OSBPL10: variants seen among roughly 807,000 people sequenced by gnomAD.
The protein encoded by OSBPL10 is oxysterol binding protein like 10.
Under a neutral mutation model 81.7 loss-of-function variants are expected in OSBPL10, and 49 were observed. That is an observed-to-expected ratio of 0.60 (90% CI 0.48 to 0.76). OSBPL10 has a LOEUF of 0.76. Among genes scored for constraint, OSBPL10 ranks in the 30% least tolerant of loss-of-function variants. The pLI, the probability that OSBPL10 is intolerant of heterozygous loss-of-function variation, is 0.00. For missense variants in OSBPL10, 923 were observed against 987.8 expected (o/e 0.93, Z 0.88); for synonymous variants, 419 against 383.6 (o/e 1.09, Z -1.08).
At chr3:31,899,284 A>T (rs1163500625) in intron 1 of OSBPL10, among the ~76,000 whole-genome samples, 1 of 152,148 alleles carries the variant, frequency 6.6e-6, no homozygotes, top group Non-Finnish European at 1.5e-5. Context: ...TAAAGTTTCA[A>T]GGGAAACCAA....
At chr3:31,867,456 C>G (rs772686875) in intron 3 of OSBPL10, among the ~76,000 whole-genome samples, 11 of 152,108 alleles carry the variant, frequency 7.2e-5, no homozygotes, top group Non-Finnish European at 1.0e-4. Context: ...AAGAACAGGA[C>G]ACAGGCGGGA....
At chr3:31,941,215 A>G (rs1393586022) in intron 1 of OSBPL10, among the ~76,000 whole-genome samples, 1 of 152,246 alleles carries the variant, frequency 6.6e-6, no homozygotes, top group Non-Finnish European at 1.5e-5. Flanking sequence ...TTCAGTAACC[A>G]TATATACACA....
chr3:31,886,399 A>C (rs776108457), intron 1 of OSBPL10, among the ~76,000 whole-genome samples: 1 of 152,132 alleles, frequency 6.6e-6, no homozygotes, highest in African/African-American at 2.4e-5. Flanking sequence ...AGGGCCATGA[A>C]GGCCCCTTAC....
At chr3:31,780,108 C>T (rs537935075) in intron 4 of OSBPL10, among the ~76,000 whole-genome samples, 5 of 152,128 alleles carry the variant, frequency 3.3e-5, no homozygotes, top group South Asian at 4.1e-4. Context: ...CTGGCTAACA[C>T]GGTGAAACCC....
At chr3:32,075,192 C>G (rs1268631050) in intron 1 of OSBPL10, among the ~76,000 whole-genome samples, 1 of 152,170 alleles carries the variant, frequency 6.6e-6, no homozygotes, top group African/African-American at 2.4e-5. Flanking sequence ...TCCTCAAGCC[C>G]AGGTTGACCC....
chr3:31,896,012 C>G (rs995999215), intron 1 of OSBPL10, among the ~76,000 whole-genome samples: 6 of 152,178 alleles, frequency 3.9e-5, no homozygotes, highest in African/African-American at 1.4e-4. Context: ...TACACACACA[C>G]AGTACTAGAA....
At chr3:32,051,386 G>T (rs1357506734) in intron 1 of OSBPL10, among the ~76,000 whole-genome samples, 1 of 151,338 alleles carries the variant, frequency 6.6e-6, no homozygotes, top group Non-Finnish European at 1.5e-5. Context: ...AGAAAGCTTT[G>T]GTGTGGAATA....
At chr3:31,873,074 G>A (rs112474039) in intron 3 of OSBPL10, among the ~76,000 whole-genome samples, 228 of 152,244 alleles carry the variant, frequency 1.5e-3, no homozygotes, top group Non-Finnish European at 2.8e-3. Flanking sequence ...GATCATAAAG[G>A]GGGTAACGAG....
chr3:31,797,487 C>T (rs950776918), intron 4 of OSBPL10, among the ~76,000 whole-genome samples: 3 of 152,110 alleles, frequency 2.0e-5, no homozygotes, highest in Admixed American at 6.5e-5. Flanking sequence ...GAAGCAATGG[C>T]GGCAAGGCAG....
intron 4 of OSBPL10, among the ~76,000 whole-genome samples, chr3:31,753,164 C>T (rs1379014736): frequency 1.3e-5 from 2 of 150,238 alleles, no homozygotes; most frequent in African/African-American, 2.5e-5. Flanking sequence ...CTCACCTAAG[C>T]TTTAAAGCTG....
intron 4 of OSBPL10, among the ~76,000 whole-genome samples, chr3:31,826,361 T>C (rs1700100285): frequency 6.6e-6 from 1 of 152,238 alleles, no homozygotes; most frequent in African/African-American, 2.4e-5. Context: ...CCTGATGATA[T>C]TGTCTCTGAA....
Position 31,731,397 on chromosome 3 carries a change from T to A in OSBPL10, c.1095+1860A>T, listed in dbSNP as rs530073245. Among the ~76,000 whole-genome samples the A allele has an allele frequency of 5.9e-5, 9 of 152,268 alleles. No homozygotes were observed. The South Asian group carries it at 1.2e-3, about 21-fold the overall frequency. On this transcript the variant is annotated intron_variant, in intron 6 of 11. Transcript: ENST00000396556. ...AAAATGACAACTAGAAATTAATGACTGTCTCTACTTTAATGAAAAAAGCTC... is the reference window on the plus strand; with the variant it reads ...AAAATGACAACTAGAAATTAATGACAGTCTCTACTTTAATGAAAAAAGCTC...
At chr3:32,022,497 G>A (rs955582525) in intron 2 of OSBPL10, among the ~76,000 whole-genome samples, 6 of 152,138 alleles carry the variant, frequency 3.9e-5, no homozygotes, top group Non-Finnish European at 8.8e-5. Flanking sequence ...AAGATTTTCT[G>A]ATTTGAGGCC....
chr3:31,674,193 T>C (rs1700396800), intron 8 of OSBPL10, among the ~76,000 whole-genome samples: 1 of 152,046 alleles, frequency 6.6e-6, no homozygotes, highest in Admixed American at 6.6e-5. Flanking sequence ...CTTATGGCCA[T>C]CCTAACAGTA....
At chr3:31,678,806 G>C (rs1362874518) in intron 8 of OSBPL10, among the ~76,000 whole-genome samples, 1 of 151,282 alleles carries the variant, frequency 6.6e-6, no homozygotes, top group African/African-American at 2.4e-5. Flanking sequence ...GTGTGTGTGT[G>C]TGTGTGTGTG....
At chr3:31,880,409 G>A (rs1049366245) in intron 1 of OSBPL10, among the ~76,000 whole-genome samples, 11 of 152,202 alleles carry the variant, frequency 7.2e-5, no homozygotes, top group African/African-American at 2.7e-4. Context: ...CCTGCTCTGG[G>A]ACGTTGAAAT....
chr3:31,781,238 A>C (rs112011116), intron 4 of OSBPL10, among the ~76,000 whole-genome samples: 13,894 of 152,278 alleles, frequency 0.091, 848 homozygotes, highest in African/African-American at 0.19. Context: ...ATAGCTGTGG[A>C]AAAAGCATTT....
chr3:31,879,584 T>C, intron 2 of OSBPL10, 71 bp downstream of exon 2: 1 of 1,480,128 alleles, frequency 6.8e-7, no homozygotes, highest in Non-Finnish European at 9.1e-7. Context: ...AAACAAAAAA[T>C]CAAAAAACAA....
chr3:31,753,512 C>T (rs1330312052), intron 4 of OSBPL10, among the ~76,000 whole-genome samples: 1 of 151,874 alleles, frequency 6.6e-6, no homozygotes, highest in Admixed American at 6.6e-5. Flanking sequence ...ACCAAAACCA[C>T]ACACACACAC....
Sources: allele counts gnomAD v4.1 joint callset (sites outside exome capture counted in the v4.1 genomes callset), GRCh38; gene constraint gnomAD v4.1.1; transcripts MANE v1.5; gene names NCBI Gene and HGNC (gene_info 2026-07-23, HGNC 2026-07-21).